Variants in LGR5 observed in about 807,000 individuals in gnomAD.
The protein encoded by LGR5 is leucine rich repeat containing G protein-coupled receptor 5.
A neutral mutation model predicts 76.7 loss-of-function variants in LGR5; 54 were observed. The ratio of observed to expected loss-of-function variants is 0.70; its 90% CI spans 0.57 to 0.88. LGR5 has a LOEUF of 0.88. Ranked by LOEUF, LGR5 falls within the 40% of genes least tolerant of loss-of-function variation. LGR5 has a pLI of 0.00. For missense variants in LGR5, 1,078 were observed against 1,073.3 expected (o/e 1.00, Z -0.06); for synonymous variants, 406 against 421.9 (o/e 0.96, Z 0.46).
At chr12:71,529,572 C>A (rs1170690018) in intron 3 of LGR5, among the ~76,000 whole-genome samples, 2 of 152,064 alleles carry the variant, frequency 1.3e-5, no homozygotes, top group African/African-American at 4.8e-5. Flanking sequence ...TTCTAGTATC[C>A]ATCTAGATCT....
intron 2 of LGR5, among the ~76,000 whole-genome samples, chr12:71,515,327 T>C (rs1018639374): frequency 1.3e-5 from 2 of 152,276 alleles, no homozygotes; most frequent in African/African-American, 2.4e-5. Flanking sequence ...TCATCACTTA[T>C]GTATCTTTTG....
chr12:71,547,509 A>C (rs1877246006), intron 4 of LGR5, among the ~76,000 whole-genome samples: 1 of 152,264 alleles, frequency 6.6e-6, no homozygotes, highest in Non-Finnish European at 1.5e-5. Flanking sequence ...CTCAAATAAT[A>C]AAGTCTGTCA....
intron 7 of LGR5, among the ~76,000 whole-genome samples, chr12:71,560,979 C>A (rs1042551912): frequency 6.6e-6 from 1 of 152,148 alleles, no homozygotes; most frequent in Non-Finnish European, 1.5e-5. Flanking sequence ...ATTTAATTAG[C>A]TTTTTCATAT....
In LGR5 at chr12:71,504,780, G is replaced by C. The variant is rs1270738332; in HGVS notation, c.284+95G>C. On this transcript the variant is annotated intron_variant, in intron 2 of 17. Coordinates refer to ENST00000266674, the MANE Select transcript of LGR5 (RefSeq NM_003667.4). ...TACTGTGGGAACCAGATAAAACAAG[G>C]CAGAAAACCTGTCAGCACCAACAAT... 7.6e-6 allele frequency: 8 copies of C among 1,051,070 alleles called. No individual in the cohort carries two copies. In the Admixed American group the frequency reaches 1.4e-4, roughly 18 times the overall value. The allele number at this position is 1,051,070 out of a possible 1,614,324, so 65.1% of individuals were successfully genotyped here. A position where few individuals can be genotyped will look rare whatever the true frequency, so the allele number is the denominator to read the frequency against.
chr12:71,546,860 A>T (rs1877198863), intron 4 of LGR5, among the ~76,000 whole-genome samples: 1 of 152,182 alleles, frequency 6.6e-6, no homozygotes, highest in Admixed American at 6.5e-5. Flanking sequence ...GAAACCTGGG[A>T]GTGATGTCAT....
intron 1 of LGR5, among the ~76,000 whole-genome samples, chr12:71,495,401 T>C (rs922802445): frequency 6.6e-6 from 1 of 151,294 alleles, no homozygotes; most frequent in Non-Finnish European, 1.5e-5. Context: ...CTGTTCAACA[T>C]AAACATTTAC....
chr12:71,571,643 G>T, intron 12 of LGR5, 64 bp downstream of exon 12: 1 of 1,208,420 alleles, frequency 8.3e-7, no homozygotes, highest in Non-Finnish European at 1.2e-6. Flanking sequence ...ATTTCTCAGG[G>T]TCACTGGTTC....
chr12:71,575,354 T>C (rs1400837909), intron 13 of LGR5, among the ~76,000 whole-genome samples: 1 of 152,180 alleles, frequency 6.6e-6, no homozygotes, highest in Non-Finnish European at 1.5e-5. Context: ...TTTAAGATGG[T>C]TGAAATGCAG....
In LGR5 at chr12:71,583,389, T is replaced by C. The variant is rs547237871; in HGVS notation, c.1637-258T>C. On this transcript the variant is annotated intron_variant, in intron 17 of 17. Transcript: ENST00000266674. ...CTGTATCTTAGAGACTTCAATTAAG[T>C]GATCGAAATTCTCCATTCTCATTTC... 18 of 464,106 alleles carry C rather than the reference T, an allele frequency of 3.9e-5. No homozygotes were observed. The East Asian group carries it at 4.8e-4, about 12-fold the overall frequency. 28.7% of individuals were successfully genotyped at this position (464,106 alleles called of 1,614,324 possible).
intron 1 of LGR5, among the ~76,000 whole-genome samples, chr12:71,477,068 G>C (rs189370623): frequency 7.2e-5 from 11 of 152,228 alleles, no homozygotes; most frequent in Non-Finnish European, 5.9e-5. Flanking sequence ...AAATGACATG[G>C]AATAAGGCAA....
chr12:71,561,762 A>G lies in LGR5; in HGVS notation c.786-19A>G. On this transcript the variant is annotated intron_variant, in intron 7 of 17. Transcript: ENST00000266674. ...TTTACCCCACACAGGATTTTTTATA[A>G]TTTTTTTTCTCTTTCTAGAGGATTT... 6.6e-7 allele frequency: 1 copy of G among 1,525,982 alleles called. No individual in the cohort carries two copies. Among genetic ancestry groups the G allele is most frequent in the Non-Finnish European group, 9.0e-7 (1 of 1,117,270 alleles). 94.5% of individuals were successfully genotyped at this position (1,525,982 alleles called of 1,614,324 possible).
rs558236578 is a variant in LGR5 at position 71,455,195 on chromosome 12, C to T, written c.212+14903C>T. Among the ~76,000 whole-genome samples, 452 of 152,236 alleles carry T rather than the reference C, an allele frequency of 3.0e-3. 3 individuals are homozygous for T. Among genetic ancestry groups the T allele is most frequent in the Non-Finnish European group, 4.5e-3 (308 of 68,008 alleles). On this transcript the variant is annotated intron_variant, in intron 1 of 17. Transcript: ENST00000266674. ...CCCCAAGGCAAATTCAATATGCGAC[C>T]GAGTTTGAGAACCACTGATCTGGGC...
intron 1 of LGR5, among the ~76,000 whole-genome samples, chr12:71,499,489 G>A (rs1259033676): frequency 6.6e-6 from 1 of 152,122 alleles, no homozygotes; most frequent in Non-Finnish European, 1.5e-5. Context: ...ACATTGCATG[G>A]AGGAAAGTGG....
At chr12:71,581,816 A>G (rs1879104518) in intron 16 of LGR5, among the ~76,000 whole-genome samples, 1 of 152,236 alleles carries the variant, frequency 6.6e-6, no homozygotes, top group Admixed American at 6.5e-5. Context: ...TTTCAAAGGC[A>G]GTGATTCTCA....
intron 1 of LGR5, among the ~76,000 whole-genome samples, chr12:71,490,248 T>C (rs971015068): frequency 2.0e-5 from 3 of 152,228 alleles, no homozygotes; most frequent in African/African-American, 7.2e-5. Flanking sequence ...GTGAAAGAGT[T>C]CCCTTTTCTG....
chr12:71,570,793 G>A (rs578050374), intron 11 of LGR5, among the ~76,000 whole-genome samples: 1 of 152,266 alleles, frequency 6.6e-6, no homozygotes, highest in South Asian at 2.1e-4. Context: ...CCATTGCATA[G>A]TGGTGATCTG....
Position 71,556,535 on chromosome 12 carries a change from T to C in LGR5, c.645-84T>C, listed in dbSNP as rs924551068. On this transcript the variant is annotated intron_variant, in intron 5 of 17. Coordinates refer to ENST00000266674, the MANE Select transcript of LGR5 (RefSeq NM_003667.4). ...TATAAGTAGTGCATTCTTCAGTATA[T>C]GTTTCTTTGGATTTAAGCTATCAAA... 9 of 914,162 alleles carry C rather than the reference T, an allele frequency of 9.8e-6. No individual in the cohort carries two copies. In the African/African-American group the frequency reaches 1.5e-4, roughly 15 times the overall value. 56.6% of individuals were successfully genotyped at this position (914,162 alleles called of 1,614,324 possible). A position where few individuals can be genotyped will look rare whatever the true frequency, so the allele number is the denominator to read the frequency against.
intron 14 of LGR5, 95 bp downstream of exon 14, chr12:71,578,091 T>A (rs1878936336): frequency 3.3e-6 from 3 of 912,380 alleles, no homozygotes; most frequent in Non-Finnish European, 5.3e-6. Context: ...AAGCTGGATA[T>A]GCACAGATTA....
intron 4 of LGR5, among the ~76,000 whole-genome samples, chr12:71,550,179 T>A (rs1020079219): frequency 9.2e-5 from 14 of 152,066 alleles, no homozygotes; most frequent in African/African-American, 3.1e-4. Flanking sequence ...ATTTTTTTTT[T>A]ATTTTCTGTT....
Sources: allele counts gnomAD v4.1 joint callset (sites outside exome capture counted in the v4.1 genomes callset), GRCh38; gene constraint gnomAD v4.1.1; transcripts MANE v1.5; gene names NCBI Gene and HGNC (gene_info 2026-07-23, HGNC 2026-07-21).